Variants in MCCC1 observed in about 807,000 individuals in gnomAD.
MCCC1 encodes the protein methylcrotonoyl-CoA carboxylase subunit alpha, mitochondrial.
A neutral mutation model predicts 83.8 loss-of-function variants in MCCC1; 64 were observed. That is an observed-to-expected ratio of 0.76 (90% confidence interval 0.62 to 0.94). MCCC1 has a LOEUF of 0.94. Among genes scored for constraint, MCCC1 ranks in the 40% least tolerant of loss-of-function variants. MCCC1 has a pLI of 0.00. For missense variants in MCCC1, 807 were observed against 904.7 expected (o/e 0.89, Z 1.39); for synonymous variants, 322 against 315.4 (o/e 1.02, Z -0.22).
At chr3:183,087,837 T>A (rs562595351) in intron 3 of MCCC1, among the ~76,000 whole-genome samples, 1 of 127,420 alleles carries the variant, frequency 7.8e-6, no homozygotes, top group South Asian at 2.4e-4. Flanking sequence ...GCCACTGAAC[T>A]CCAGCCTGGG....
At chr3:183,045,680 G>A (rs1000504598) in intron 9 of MCCC1, 140 bp from the exon 10 acceptor site, 8 of 873,916 alleles carry the variant, frequency 9.2e-6, no homozygotes, top group African/African-American at 1.7e-5. Flanking sequence ...AAAACATCTC[G>A]CATTTGCAGC....
At chr3:183,026,482 A>C (rs1712612329) in intron 14 of MCCC1, among the ~76,000 whole-genome samples, 1 of 152,008 alleles carries the variant, frequency 6.6e-6, no homozygotes, top group Non-Finnish European at 1.5e-5. Context: ...GAGGCAGAGG[A>C]GTGGGGATCA....
At chr3:183,034,720 C>T (rs1322921801) in intron 13 of MCCC1, among the ~76,000 whole-genome samples, 1 of 151,926 alleles carries the variant, frequency 6.6e-6, no homozygotes, top group Non-Finnish European at 1.5e-5. Flanking sequence ...ATTTTTCTTT[C>T]ACCTGGCCTC....
chr3:183,097,000 A>C (rs1403782343), intron 1 of MCCC1, among the ~76,000 whole-genome samples: 1 of 152,240 alleles, frequency 6.6e-6, no homozygotes, highest in Non-Finnish European at 1.5e-5. Flanking sequence ...GCAATCTTCT[A>C]GTGAAGACAG....
At chr3:183,034,158 A>C in intron 13 of MCCC1, 81 bp from the exon 14 acceptor site, 10 of 1,023,124 alleles carry the variant, frequency 9.8e-6, no homozygotes, top group Non-Finnish European at 1.2e-5. Flanking sequence ...AAAACATAAA[A>C]TGCAAGTGCT....
chr3:183,111,977 C>T (rs1719502527), intron 1 of MCCC1, among the ~76,000 whole-genome samples: 1 of 151,856 alleles, frequency 6.6e-6, no homozygotes, highest in East Asian at 1.9e-4. Context: ...ATTGTTTTGG[C>T]TTTCCTAAAT....
At position 183,094,547 on chromosome 3, in the gene MCCC1, G is replaced by C; in HGVS notation, c.136+12C>G. 1 of 1,613,860 alleles carries C rather than the reference G, an allele frequency of 6.2e-7. No homozygotes were observed. The highest frequency in any genetic ancestry group is 8.5e-7 in the Non-Finnish European group (1 of 1,179,776). On this transcript the variant is annotated intron_variant, in intron 2 of 18. Coordinates refer to ENST00000265594, the MANE Select transcript of MCCC1 (RefSeq NM_020166.5). Reference sequence around the variant, plus strand: ...AAGCAAAATCAAATAGAACAACAAAGTCTGTCAGTACCTGTGGCTGTTGTG... The same window carrying C: ...AAGCAAAATCAAATAGAACAACAAACTCTGTCAGTACCTGTGGCTGTTGTG...
intron 13 of MCCC1, among the ~76,000 whole-genome samples, chr3:183,036,090 C>T (rs1713564398): frequency 6.7e-6 from 1 of 149,690 alleles, no homozygotes; most frequent in Non-Finnish European, 1.5e-5. Flanking sequence ...GGTTTAAAGG[C>T]AGAACTTTCT....
At chr3:183,061,933 C>T (rs911344747) in intron 7 of MCCC1, among the ~76,000 whole-genome samples, 1 of 152,114 alleles carries the variant, frequency 6.6e-6, no homozygotes, top group African/African-American at 2.4e-5. Context: ...AGGGACCCGG[C>T]GGGAGGTAAC....
At chr3:183,072,578 C>A (rs1205911087) in intron 4 of MCCC1, 91 bp from the exon 5 acceptor site, 3 of 1,399,204 alleles carry the variant, frequency 2.1e-6, no homozygotes, top group African/African-American at 1.4e-5. Flanking sequence ...TCTGGGAGGC[C>A]TCTCCCTACA....
intron 12 of MCCC1, 109 bp from the exon 13 acceptor site, chr3:183,037,543 A>G (rs900158596): frequency 1.0e-6 from 1 of 968,440 alleles, no homozygotes. Context: ...AACTCTTAGG[A>G]AAAATAAAAA....
At chr3:183,076,164 C>T (rs1717057336) in intron 4 of MCCC1, among the ~76,000 whole-genome samples, 1 of 152,164 alleles carries the variant, frequency 6.6e-6, no homozygotes, top group Non-Finnish European at 1.5e-5. Flanking sequence ...AGAACACCTG[C>T]ATCACTTGAA....
At chr3:183,072,877 G>C (rs1716802593) in intron 4 of MCCC1, among the ~76,000 whole-genome samples, 1 of 152,248 alleles carries the variant, frequency 6.6e-6, no homozygotes, top group Middle Eastern at 3.4e-3. Context: ...CTAGTAACCA[G>C]GATTTTACTT....
chr3:183,096,544 T>C (rs1293460212), intron 1 of MCCC1, among the ~76,000 whole-genome samples: 2 of 152,200 alleles, frequency 1.3e-5, no homozygotes, highest in African/African-American at 4.8e-5. Flanking sequence ...ACATATTATG[T>C]ATATGACTAT....
intron 14 of MCCC1, among the ~76,000 whole-genome samples, chr3:183,031,578 A>G (rs548214151): frequency 3.5e-4 from 50 of 144,408 alleles, no homozygotes; most frequent in African/African-American, 1.2e-3. Context: ...GCTCACTGCA[A>G]GCTCCACCTC....
chr3:183,034,467 A>AC (rs1713379819), intron 13 of MCCC1, among the ~76,000 whole-genome samples: 2 of 150,844 alleles, frequency 1.3e-5, no homozygotes, highest in African/African-American at 4.9e-5. Flanking sequence ...AAAAAAAAAA[A>AC]AACAAAAAAA....
chr3:183,019,443 A>T (rs1313272500), intron 17 of MCCC1, among the ~76,000 whole-genome samples: 4 of 152,242 alleles, frequency 2.6e-5, no homozygotes, highest in African/African-American at 9.6e-5. Flanking sequence ...CTTATGAAAG[A>T]GGCCTGAAGA....
intron 11 of MCCC1, among the ~76,000 whole-genome samples, chr3:183,039,962 G>A (rs1197219491): frequency 1.3e-5 from 2 of 151,870 alleles, no homozygotes. Context: ...CGGGCGTGGT[G>A]GCGGGTGCCT....
At position 183,037,239 on chromosome 3, in the gene MCCC1, T is replaced by A; in HGVS notation, c.1573A>T (p.Thr525Ser). The A allele has an allele frequency of 6.2e-7, 1 of 1,613,744 alleles. No homozygotes were observed. Among genetic ancestry groups the A allele is most frequent in the Non-Finnish European group, 8.5e-7 (1 of 1,180,010 alleles). ...ATACCATGTGCCTGAAGAGTGAAAG[T>A]GTCGGTCATGGCTTTCTCCTTGAGG... ...LILKEKAMTD[T>S]FTLQAHDQFS... Residue 525 changes from threonine to serine, a missense_variant, in exon 13 of 19, where the codon ACT becomes TCT. By Grantham distance (58) the Thr-to-Ser change is moderately conservative. Transcript: ENST00000265594.
Sources: allele counts gnomAD v4.1 joint callset (sites outside exome capture counted in the v4.1 genomes callset), GRCh38; gene constraint gnomAD v4.1.1; transcripts MANE v1.5; gene names NCBI Gene and HGNC (gene_info 2026-07-23, HGNC 2026-07-21).